XIRP2: variants seen among roughly 807,000 people sequenced by gnomAD.
XIRP2 encodes xin actin binding repeat containing 2, also known as xin actin-binding repeat-containing protein 2.
A neutral mutation model predicts 277.0 loss-of-function variants in XIRP2; 236 were observed. That is an observed-to-expected ratio of 0.85 (90% CI 0.77 to 0.95). The LOEUF is 0.95. Ranked by LOEUF, XIRP2 falls within the 40% of genes least tolerant of loss-of-function variation. The pLI is 0.00. For synonymous variants in XIRP2, 1,490 were observed against 1,416.5 expected (o/e 1.05, Z -1.17); for missense variants, 4,640 against 4,157.5 (o/e 1.12, Z -3.19).
chr2:166,913,310 AC>A (rs58517509), intron 2 of XIRP2, among the ~76,000 whole-genome samples: 19,110 of 114,770 alleles, frequency 0.17, 1,410 homozygotes, highest in South Asian at 0.29. Flanking sequence ...AATGGTGGGC[AC>A]CCCCCCCCCC....
At chr2:167,112,584 A>AAT in intron 2 of XIRP2, among the ~76,000 whole-genome samples, 1 of 145,820 alleles carries the variant, frequency 6.9e-6, no homozygotes, top group South Asian at 2.1e-4. Context: ...ATTTATATAT[A>AAT]ATATATATAA....
chr2:167,225,785 C>T (rs182553683), intron 5 of XIRP2, among the ~76,000 whole-genome samples: 156 of 152,268 alleles, frequency 1.0e-3, no homozygotes, highest in African/African-American at 3.6e-3. Context: ...ATTCTCATAA[C>T]AAATCTTTCA....
chr2:167,128,527 C>T (rs1394847040), intron 2 of XIRP2, among the ~76,000 whole-genome samples: 5 of 152,240 alleles, frequency 3.3e-5, no homozygotes, highest in East Asian at 3.9e-4. Flanking sequence ...GAGACTTGAA[C>T]GTGTATGGGT....
At chr2:167,193,628 A>G (rs777482991) in intron 3 of XIRP2, among the ~76,000 whole-genome samples, 8 of 152,168 alleles carry the variant, frequency 5.3e-5, no homozygotes, top group Non-Finnish European at 1.0e-4. Context: ...CTGAAATCCC[A>G]GCACTTTGGG....
At chr2:166,943,668 T>A (rs1685780939) in intron 2 of XIRP2, among the ~76,000 whole-genome samples, 1 of 152,244 alleles carries the variant, frequency 6.6e-6, no homozygotes. Context: ...TGGCCAGTGG[T>A]GGGCATATGA....
chr2:167,117,310 C>T (rs190015776), intron 2 of XIRP2, among the ~76,000 whole-genome samples: 17 of 152,226 alleles, frequency 1.1e-4, no homozygotes, highest in Non-Finnish European at 2.1e-4. Context: ...CCCCACTCCC[C>T]GCCATACACA....
chr2:167,106,909 G>C (rs1690632933), intron 2 of XIRP2, among the ~76,000 whole-genome samples: 1 of 150,642 alleles, frequency 6.6e-6, no homozygotes, highest in Non-Finnish European at 1.5e-5. Flanking sequence ...CGTGTATTTT[G>C]TTTTTAAAAT....
At chr2:167,090,419 C>A (rs1690106623) in intron 2 of XIRP2, among the ~76,000 whole-genome samples, 1 of 152,060 alleles carries the variant, frequency 6.6e-6, no homozygotes, top group Non-Finnish European at 1.5e-5. Context: ...CATTTGCCAT[C>A]CACCTGAAAA....
chr2:167,120,553 T>C (rs143553590), intron 2 of XIRP2, among the ~76,000 whole-genome samples: 1 of 152,236 alleles, frequency 6.6e-6, no homozygotes, highest in Non-Finnish European at 1.5e-5. Context: ...CTCCTATCTG[T>C]GGTCAAGGAA....
Position 167,240,685 on chromosome 2 carries a change from A to G in XIRP2, c.991A>G (p.Thr331Ala). ...TEMVSHLEKH[T>A]EEVNQASQFH... ...ACAGGTCTCTCATCTTGAAAAGCAC[A>G]CCGAGGAAGTAAACCAAGCATCTCA... is the stretch of plus-strand genomic sequence containing the variant. The change falls in exon 7 of 11, where the codon ACC (threonine) becomes GCC (alanine). Residue 331 changes from threonine (T) to alanine (A), a missense_variant. By Grantham distance (58) the Thr-to-Ala change is moderately conservative (BLOSUM62 0). Coordinates refer to ENST00000409195, the MANE Select transcript of XIRP2 (RefSeq NM_152381.6). 6.2e-7 allele frequency: 1 copy of G among 1,613,900 alleles called. No homozygotes were observed. Among genetic ancestry groups the G allele is most frequent in the South Asian group, 1.1e-5 (1 of 91,078 alleles).
Position 167,245,538 on chromosome 2 carries a change from A to C in XIRP2, c.4146A>C (p.Gly1382=). 6.2e-7 allele frequency: 1 copy of C among 1,613,608 alleles called. No homozygotes were observed. Among genetic ancestry groups the C allele is most frequent in the Non-Finnish European group, 8.5e-7 (1 of 1,179,744 alleles). Residue 1382 remains glycine, a synonymous_variant, in exon 9 of 11, where the codon GGA becomes GGC. Transcript: ENST00000409195. ...KSVTQEDIQK[G]DVSSVRYRFE... ...TCACACAAGAAGACATTCAGAAGGG[A>C]GATGTTAGTTCTGTCAGATACAGAT...
In XIRP2 at chr2:166,910,032, T is replaced by C. The variant is rs192303151; in HGVS notation, c.408+6142T>C. ...GGTTTGCCAGTATTTTACTGAGGAT[T>C]TAGGCATCAATGTTCATCAGAGATA... On this transcript the variant is annotated intron_variant, in intron 2 of 10. Coordinates refer to ENST00000409195, the MANE Select transcript of XIRP2 (RefSeq NM_152381.6). Among the ~76,000 whole-genome samples the C allele has an allele frequency of 1.1e-4, 16 of 152,330 alleles. No individual in the cohort carries two copies. In the Middle Eastern group the frequency reaches 0.014, roughly 130 times the overall value.
chr2:167,194,020 A>C (rs1386267711), intron 3 of XIRP2, among the ~76,000 whole-genome samples: 3 of 152,054 alleles, frequency 2.0e-5, no homozygotes, highest in Non-Finnish European at 4.4e-5. Context: ...TGGATATATA[A>C]AAGGAGTTTC....
At chr2:167,001,697 CCCTA>C (rs1687378897) in intron 2 of XIRP2, among the ~76,000 whole-genome samples, 1 of 151,940 alleles carries the variant, frequency 6.6e-6, no homozygotes, top group Non-Finnish European at 1.5e-5. Flanking sequence ...TTGTAAGTGC[CCCTA>C]GTACAAAAAC....
chr2:167,060,608 C>T (rs916782489), intron 2 of XIRP2, among the ~76,000 whole-genome samples: 3 of 152,058 alleles, frequency 2.0e-5, no homozygotes, highest in Admixed American at 2.0e-4. Flanking sequence ...AATTTCCCAA[C>T]TAATTTCCTT....
At chr2:167,170,683 C>G (rs1184010856) in intron 3 of XIRP2, among the ~76,000 whole-genome samples, 1 of 151,866 alleles carries the variant, frequency 6.6e-6, no homozygotes, top group Non-Finnish European at 1.5e-5. Context: ...CTGATAATTT[C>G]TATTTTCTCC....
chr2:167,087,181 G>A (rs1327887513), intron 2 of XIRP2, among the ~76,000 whole-genome samples: 6 of 152,160 alleles, frequency 3.9e-5, no homozygotes, highest in Non-Finnish European at 5.9e-5. Context: ...CTCAGCTGCA[G>A]GTCTGTTGGA....
In XIRP2 at chr2:166,961,971, A is replaced by G. The variant is rs139101679; in HGVS notation, c.408+58081A>G. The stretch of plus-strand genomic sequence containing the variant: ...GGAATTAAGGAAAATTCAGTAAAAT[A>G]GAAGAATTGTGTTATGTACCTGAAT... On this transcript the variant is annotated intron_variant, in intron 2 of 10. Coordinates refer to ENST00000409195, the MANE Select transcript of XIRP2 (RefSeq NM_152381.6). Among the ~76,000 whole-genome samples, 655 of 151,854 alleles carry G rather than the reference A, an allele frequency of 4.3e-3. 5 individuals carry two copies. The highest frequency in any genetic ancestry group is 0.015 in the African/African-American group (616 of 41,514).
In XIRP2 at chr2:167,244,845, T is replaced by A; in HGVS notation, c.3453T>A (p.Thr1151=). 6.2e-7 allele frequency: 1 copy of A among 1,613,714 alleles called. No individual in the cohort carries two copies. The highest frequency in any genetic ancestry group is 8.5e-7 in the Non-Finnish European group (1 of 1,179,766). ...DDSETAVKLQ[T]VKQEEIQGGD... ...CTGAAACAGCAGTCAAATTGCAAAC[T>A]GTAAAACAGGAGGAGATCCAAGGTG... The change falls in exon 9 of 11, where the codon ACT becomes ACA. Residue 1151 remains threonine, a synonymous_variant. Coordinates refer to ENST00000409195, the MANE Select transcript of XIRP2 (RefSeq NM_152381.6).
Sources: allele counts gnomAD v4.1 joint callset (sites outside exome capture counted in the v4.1 genomes callset), GRCh38; gene constraint gnomAD v4.1.1; transcripts MANE v1.5; gene names NCBI Gene and HGNC (gene_info 2026-07-23, HGNC 2026-07-21).